Variants in UBAC2 observed in about 807,000 individuals in gnomAD.
The protein encoded by UBAC2 is UBA domain containing 2.
UBAC2 carries 26 observed loss-of-function variants against 44.0 expected under a neutral mutation model. The ratio of observed to expected loss-of-function variants is 0.59; its 90% CI spans 0.43 to 0.82. The LOEUF is 0.82. Among genes scored for constraint, UBAC2 ranks in the 40% least tolerant of loss-of-function variants. The pLI is 0.00. For missense variants in UBAC2, 329 were observed against 419.4 expected (o/e 0.78, Z 1.88); for synonymous variants, 155 against 154.3 (o/e 1.00, Z -0.04).
intron 4 of UBAC2, among the ~76,000 whole-genome samples, chr13:99,311,044 A>G (rs903855433): frequency 3.3e-5 from 5 of 152,248 alleles, no homozygotes; most frequent in Non-Finnish European, 7.3e-5. Flanking sequence ...ACAAAAGGCA[A>G]GTTCTGCTGT....
At chr13:99,273,417 G>T (rs562978695) in intron 4 of UBAC2, among the ~76,000 whole-genome samples, 13 of 152,164 alleles carry the variant, frequency 8.5e-5, no homozygotes, top group Non-Finnish European at 1.5e-4. Flanking sequence ...GGTTCCAGAG[G>T]TGTCTTGGCT....
rs1221855417 is a variant in UBAC2, at chr13:99,241,276, A to AT, written c.160-2556_160-2555insT. On this transcript the variant is annotated intron_variant, in intron 2 of 8. Transcript: ENST00000403766. ...TGAGACCCTGTCTCAAAAAAAAAAAAAAAAAAAGAAAAGAGTTACTATTAC... is the reference window on the plus strand; with the variant it reads ...TGAGACCCTGTCTCAAAAAAAAAAAATAAAAAAAGAAAAGAGTTACTATTAC... 3.9e-5 allele frequency among the ~76,000 whole-genome samples: 6 copies of AT among 151,980 alleles called. No homozygotes were observed. The East Asian group carries it at 1.2e-3, about 29-fold the overall frequency.
intron 4 of UBAC2, among the ~76,000 whole-genome samples, chr13:99,250,893 C>A (rs1186042565): frequency 1.3e-5 from 2 of 151,900 alleles, no homozygotes; most frequent in African/African-American, 2.4e-5. Flanking sequence ...ATTACAGGCG[C>A]CCACCACCAT....
chr13:99,236,730 A>G (rs2043237375), intron 1 of UBAC2, among the ~76,000 whole-genome samples: 1 of 152,140 alleles, frequency 6.6e-6, no homozygotes, highest in Non-Finnish European at 1.5e-5. Context: ...GGTGCCTGTA[A>G]TCCCAGGTAC....
chr13:99,314,519 T>C (rs115686596), intron 5 of UBAC2, among the ~76,000 whole-genome samples: 2,172 of 152,306 alleles, frequency 0.014, 73 homozygotes, highest in African/African-American at 0.049. Flanking sequence ...TTTTTAACAA[T>C]CATAGTATGA....
intron 8 of UBAC2, among the ~76,000 whole-genome samples, chr13:99,383,979 T>G (rs561572483): frequency 6.6e-6 from 1 of 152,226 alleles, no homozygotes; most frequent in Non-Finnish European, 1.5e-5. Flanking sequence ...AGTTAGCCAC[T>G]AGGCTGCGGG....
At chr13:99,343,485 C>T (rs749008201) in intron 7 of UBAC2, among the ~76,000 whole-genome samples, 2 of 152,234 alleles carry the variant, frequency 1.3e-5, no homozygotes, top group Non-Finnish European at 2.9e-5. Flanking sequence ...CCACCAGGCG[C>T]CTGTGAAGTG....
intron 4 of UBAC2, among the ~76,000 whole-genome samples, chr13:99,260,186 T>G (rs2043639163): frequency 6.6e-6 from 1 of 152,192 alleles, no homozygotes; most frequent in Admixed American, 6.5e-5. Context: ...CTGGTTTCTC[T>G]GCCCTCCGAA....
chr13:99,263,902 A>G (rs1226257420), intron 4 of UBAC2, among the ~76,000 whole-genome samples: 1 of 152,234 alleles, frequency 6.6e-6, no homozygotes, highest in Non-Finnish European at 1.5e-5. Flanking sequence ...TTCATATCAT[A>G]TGATTCCATT....
chr13:99,296,259 C>G, intron 4 of UBAC2: 5 of 977,908 alleles, frequency 5.1e-6, no homozygotes, highest in Admixed American at 3.1e-5. Context: ...TGTATCAAAG[C>G]AATCCAAACT....
At chr13:99,220,873 C>T (rs1246381259) in intron 1 of UBAC2, among the ~76,000 whole-genome samples, 4 of 151,824 alleles carry the variant, frequency 2.6e-5, no homozygotes, top group Admixed American at 2.0e-4. Context: ...TTGTCAAAAT[C>T]GATTTTTTTT....
At chr13:99,337,455 G>C (rs995886467) in intron 6 of UBAC2, among the ~76,000 whole-genome samples, 4 of 151,782 alleles carry the variant, frequency 2.6e-5, no homozygotes, top group Non-Finnish European at 5.9e-5. Context: ...TTTCTAAACA[G>C]TCTGTATTTT....
intron 7 of UBAC2, 122 bp downstream of exon 7, chr13:99,340,687 G>A (rs1178189123): frequency 9.6e-6 from 11 of 1,150,912 alleles, no homozygotes; most frequent in African/African-American, 1.6e-5. Context: ...AGTGGATTTT[G>A]ACATTTCCAA....
chr13:99,201,634 TCGGTAAGGTAGA>T, intron 1 of UBAC2: 1 of 1,570,890 alleles, frequency 6.4e-7, no homozygotes, highest in Non-Finnish European at 8.7e-7. Context: ...GAATTGACTT[TCGGTAAGGTAGA>T]CTGCGTGTTA....
intron 6 of UBAC2, among the ~76,000 whole-genome samples, chr13:99,319,333 A>G (rs2138779557): frequency 6.6e-6 from 1 of 152,348 alleles, no homozygotes; most frequent in South Asian, 2.1e-4. Flanking sequence ...TTTCTTTCTT[A>G]GAAAAGACTT....
At chr13:99,300,845 T>C (rs1462621547) in intron 4 of UBAC2, among the ~76,000 whole-genome samples, 1 of 152,236 alleles carries the variant, frequency 6.6e-6, no homozygotes, top group Non-Finnish European at 1.5e-5. Flanking sequence ...CTTTGTGCAT[T>C]ACAGTGCACC....
chr13:99,240,626 GT>G (rs2043288514), intron 2 of UBAC2, among the ~76,000 whole-genome samples: 1 of 152,152 alleles, frequency 6.6e-6, no homozygotes, highest in African/African-American at 2.4e-5. Flanking sequence ...AGTTTCCTAT[GT>G]GCTCTCGTGT....
intron 2 of UBAC2, among the ~76,000 whole-genome samples, chr13:99,240,463 T>C (rs991657223): frequency 6.6e-6 from 1 of 152,220 alleles, no homozygotes; most frequent in African/African-American, 2.4e-5. Flanking sequence ...CAGATTTTCT[T>C]AGTGGCTCTC....
At chr13:99,383,222 G>A (rs1488900145) in intron 8 of UBAC2, among the ~76,000 whole-genome samples, 1 of 152,222 alleles carries the variant, frequency 6.6e-6, no homozygotes, top group African/African-American at 2.4e-5. Flanking sequence ...GTTAAGCTGG[G>A]CCTGCTGAAA....
Sources: allele counts gnomAD v4.1 joint callset (sites outside exome capture counted in the v4.1 genomes callset), GRCh38; gene constraint gnomAD v4.1.1; transcripts MANE v1.5; gene names NCBI Gene and HGNC (gene_info 2026-07-23, HGNC 2026-07-21).